Variants in PRPF40B observed in about 807,000 individuals in gnomAD.
PRPF40B encodes pre-mRNA-processing factor 40 homolog B.
Under a neutral mutation model 124.5 loss-of-function variants are expected in PRPF40B, and 56 were observed. That is an observed-to-expected ratio of 0.45 (90% CI 0.36 to 0.56). The LOEUF (loss-of-function observed/expected upper bound fraction) is 0.56. Among genes scored for constraint, PRPF40B ranks in the 20% least tolerant of loss-of-function variants. The pLI is 0.00. For missense variants in PRPF40B, 1,053 were observed against 1,169.5 expected, an observed-to-expected ratio of 0.90 and a Z score of 1.45; for synonymous variants, 443 against 426.4, an observed-to-expected ratio of 1.04 and a Z score of -0.48.
At chr12:49,624,656 C>T (rs1940538104) in intron 1 of PRPF40B, among the ~76,000 whole-genome samples, 1 of 152,088 alleles carries the variant, frequency 6.6e-6, no homozygotes, top group African/African-American at 2.4e-5. Flanking sequence ...TGGAGACCAG[C>T]CTGACCAACA....
rs760270847 is a variant in PRPF40B, at chr12:49,635,238, C to T, written c.1141C>T (p.Arg381Cys). The T allele has an allele frequency of 1.2e-5, 20 of 1,613,592 alleles. No homozygotes were observed. Among genetic ancestry groups the T allele is most frequent in the Admixed American group, 3.3e-5 (2 of 59,944 alleles). The change falls in exon 13 of 26, where the codon CGC becomes TGC. Residue 381 changes from arginine (R) to cysteine (C), a missense_variant. By Grantham distance (180) the Arg-to-Cys change is radical (BLOSUM62 -3). Coordinates refer to ENST00000548825, the MANE Select transcript of PRPF40B (RefSeq NM_001031698.3). The surrounding 1 kb of genome is among the most constrained non-coding windows in gnomAD (Gnocchi z 4.1). ...GCAGCATTTCCTGGAGCAGCATGAA[C>T]GCATGACCTCCACCACCCGCTACCG... Reference protein sequence around the residue: ...TLQHFLEQHERMTSTTRYRRA... With the variant: ...TLQHFLEQHECMTSTTRYRRA...
At position 49,642,077 on chromosome 12, in the gene PRPF40B, C is replaced by T. The variant is rs1942744132; in HGVS notation, c.1884+53C>T. On this transcript the variant is annotated intron_variant, in intron 19 of 25. Transcript: ENST00000548825. The surrounding 1 kb of genome is among the most constrained non-coding windows in gnomAD (Gnocchi z 5.8). The stretch of plus-strand genomic sequence containing the variant: ...TTCTCTAATTCATCTGTGTCTTGCT[C>T]CATTCCTTCTCACTCACTGTCCCAC... The T allele has an allele frequency of 3.7e-6, 6 of 1,605,122 alleles. No homozygotes were observed. The highest frequency in any genetic ancestry group is 5.1e-6 in the Non-Finnish European group (6 of 1,174,888).
At chr12:49,641,577 C>T (rs1029493008) in intron 18 of PRPF40B, 5 of 315,226 alleles carry the variant, frequency 1.6e-5, no homozygotes, top group Admixed American at 1.4e-4. Flanking sequence ...TGCATGGAAG[C>T]ACTGCTGAGC....
Position 49,635,998 on chromosome 12 carries a change from G to A in PRPF40B, c.1426+5G>A. 1 of 1,613,990 alleles carries A rather than the reference G, an allele frequency of 6.2e-7. No homozygotes were observed. Among genetic ancestry groups the A allele is most frequent in the Non-Finnish European group, 8.5e-7 (1 of 1,179,944 alleles). On this transcript the variant is annotated splice_donor_5th_base_variant and intron_variant, in intron 15 of 25. Coordinates refer to ENST00000548825, the MANE Select transcript of PRPF40B (RefSeq NM_001031698.3). The surrounding 1 kb of genome is among the most constrained non-coding windows in gnomAD (Gnocchi z 4.1). ...CTCAGGACCATCAGCTGCAGAGTAA[G>A]CCTGGGCCTCCAATCCCAGCTATCC...
In PRPF40B at chr12:49,632,894, G is replaced by A. The variant is rs778431789; in HGVS notation, c.348+14G>A. 6.2e-7 allele frequency: 1 copy of A among 1,613,744 alleles called. No homozygotes were observed. The highest frequency in any genetic ancestry group is 1.1e-5 in the South Asian group (1 of 91,060). Reference sequence around the variant, plus strand: ...ACAGGCCCTCCGGTGAGTTCTTCCAGCTCAGGGGTCTCTGGGTAGAAAGCC... The same window carrying A: ...ACAGGCCCTCCGGTGAGTTCTTCCAACTCAGGGGTCTCTGGGTAGAAAGCC... On this transcript the variant is annotated intron_variant, in intron 6 of 25. Coordinates refer to ENST00000548825, the MANE Select transcript of PRPF40B (RefSeq NM_001031698.3).
At chr12:49,623,402 G>A (rs1052603371), upstream of PRPF40B, 8 of 373,584 alleles carry the variant, frequency 2.1e-5, no homozygotes, top group African/African-American at 6.5e-5. Flanking sequence ...TCCGTGCCGG[G>A]GGGGCGGGGC....
intron 1 of PRPF40B, among the ~76,000 whole-genome samples, chr12:49,625,887 A>C (rs368527400): frequency 1.3e-5 from 2 of 152,310 alleles, no homozygotes; most frequent in South Asian, 4.1e-4. Flanking sequence ...AAGCAGGGAC[A>C]CAACACGGGA....
At chr12:49,622,684 G>C (rs1010946090), upstream of PRPF40B, 4 of 152,258 alleles carry the variant, frequency 2.6e-5, no homozygotes, top group Admixed American at 2.0e-4. Context: ...CCTCTCCGGA[G>C]TTCTTTGGCT....
In PRPF40B at chr12:49,642,486, C is replaced by T; in HGVS notation, c.2023-94C>T. 1.9e-6 allele frequency: 3 copies of T among 1,578,304 alleles called. No homozygotes were observed. Among genetic ancestry groups the T allele is most frequent in the Non-Finnish European group, 1.7e-6 (2 of 1,150,354 alleles). ...CCCTGGGCCAGCTCCAGTTCCCTTC[C>T]TTTCTCTGCCCCAGCCCTGCCCTGT... On this transcript the variant is annotated intron_variant, in intron 20 of 25. Transcript: ENST00000548825. This position sits in a 1 kb window ranked among gnomAD's most constrained non-coding sequence, Gnocchi z 5.8.
At chr12:49,632,201 T>G (rs989783984) in intron 4 of PRPF40B, 1 of 593,256 alleles carries the variant, frequency 1.7e-6, no homozygotes, top group African/African-American at 1.9e-5. Flanking sequence ...CCACACACTG[T>G]GGACACATGA....
At chr12:49,634,788 C>T (rs1565833504) in intron 12 of PRPF40B, 186 bp downstream of exon 12, 4 of 671,274 alleles carry the variant, frequency 6.0e-6, no homozygotes, top group African/African-American at 5.4e-5. Context: ...AGGTATCTGA[C>T]ACAACACGTT....
In PRPF40B at chr12:49,642,968, T is replaced by C. The variant is rs767374932; in HGVS notation, c.2157T>C (p.His719=). 1 of 1,613,832 alleles carries C rather than the reference T, an allele frequency of 6.2e-7. No individual in the cohort carries two copies. Among genetic ancestry groups the C allele is most frequent in the South Asian group, 1.1e-5 (1 of 91,026 alleles). The change falls in exon 22 of 26, where the codon CAT becomes CAC. Residue 719 remains histidine (H), a synonymous_variant. Coordinates refer to ENST00000548825, the MANE Select transcript of PRPF40B (RefSeq NM_001031698.3). The surrounding 1 kb of genome is among the most constrained non-coding windows in gnomAD (Gnocchi z 5.8). ...CQHLHTKGRK[H]GRKGKKHHHK... ...ACCTCCACACCAAAGGCCGAAAGCA[T>C]GGCAGGAAAGGCAAGAAGCACCATC... is the stretch of plus-strand genomic sequence containing the variant.
chr12:49,624,577 C>T (rs1259368981), intron 1 of PRPF40B, among the ~76,000 whole-genome samples: 1 of 152,162 alleles, frequency 6.6e-6, no homozygotes, highest in Non-Finnish European at 1.5e-5. Flanking sequence ...GGGCCGGGCG[C>T]GGTGGCTCAT....
chr12:49,623,404 G>A, upstream of PRPF40B: 1 of 380,346 alleles, frequency 2.6e-6, no homozygotes, highest in Non-Finnish European at 4.2e-6. Context: ...CGTGCCGGGG[G>A]GGCGGGGCCG....
chr12:49,643,649 C>G (rs907853435), intron 23 of PRPF40B, 42 bp from the exon 24 acceptor site: 1 of 1,591,776 alleles, frequency 6.3e-7, no homozygotes, highest in South Asian at 1.1e-5. Flanking sequence ...AAGAGCCTGT[C>G]TTTCTCCTGT....
chr12:49,623,720 G>A (rs1340426204), intron 1 of PRPF40B, 127 bp downstream of exon 1: 7 of 969,862 alleles, frequency 7.2e-6, no homozygotes, highest in Non-Finnish European at 8.5e-6. Flanking sequence ...GGCGAGGGAG[G>A]CCAAGGGTGA....
chr12:49,644,042 T>C (rs764083933), intron 25 of PRPF40B, 38 bp downstream of exon 25: 1 of 1,614,098 alleles, frequency 6.2e-7, no homozygotes, highest in Non-Finnish European at 8.5e-7. Context: ...AGCACGCTGG[T>C]CAAGCTTCCA....
chr12:49,630,625 C>T lies in PRPF40B; in HGVS notation c.84C>T (p.Phe28=), dbSNP rs756735461. 6.9e-6 allele frequency: 9 copies of T among 1,305,694 alleles called. No individual in the cohort carries two copies. Among genetic ancestry groups the T allele is most frequent in the Admixed American group, 1.7e-5 (1 of 59,294 alleles). 80.9% of individuals were successfully genotyped at this position (1,305,694 alleles called of 1,614,324 possible). A position where few individuals can be genotyped will look rare whatever the true frequency, so the allele number is the denominator to read the frequency against. The change falls in exon 2 of 26, where the codon TTC becomes TTT. Residue 28 remains phenylalanine, a splice_region_variant and synonymous_variant. Transcript: ENST00000548825. The part of the protein sequence containing the change: ...PPGPPMMPPP[F]MPPPGIPPPF... ...GGCCCCCCATGATGCCACCACCCTT[C>T]GTAAGTTTTATGTCTTTCCCTGGGC...
intron 18 of PRPF40B, 134 bp from the exon 19 acceptor site, chr12:49,641,774 A>C (rs1942686273): frequency 7.3e-6 from 5 of 684,768 alleles, no homozygotes; most frequent in Admixed American, 2.6e-5. Flanking sequence ...CTTGGTTTCT[A>C]ATGCAGACCA....
Sources: allele counts gnomAD v4.1 joint callset (sites outside exome capture counted in the v4.1 genomes callset), GRCh38; gene constraint gnomAD v4.1.1; non-coding constraint Gnocchi (gnomAD v3.1); transcripts MANE v1.5; gene names NCBI Gene and HGNC (gene_info 2026-07-23, HGNC 2026-07-21).